The following XNDC1N variants were observed in gnomAD, a reference collection of about 807,000 sequenced individuals.
The protein encoded by XNDC1N is protein XNDC1N.
chr11:71,907,218 C>T, the XNDC1N span, among the ~76,000 whole-genome samples: 2 of 152,028 alleles, frequency 1.3e-5, no homozygotes, highest in Non-Finnish European at 2.9e-5. Flanking sequence ...GTGACACATT[C>T]CTAGAATATG....
the XNDC1N span, chr11:71,916,509 C>T: frequency 2.2e-6 from 1 of 445,600 alleles, no homozygotes. Flanking sequence ...CTATTCTCAG[C>T]ATGAATTCTA....
At chr11:71,872,287 C>T in the XNDC1N span, among the ~76,000 whole-genome samples, 2 of 152,200 alleles carry the variant, frequency 1.3e-5, no homozygotes, top group Non-Finnish European at 2.9e-5. Flanking sequence ...CCTCATCCCA[C>T]AGAAACTTGT....
the XNDC1N span, among the ~76,000 whole-genome samples, chr11:71,889,045 G>T: frequency 6.6e-6 from 1 of 152,154 alleles, no homozygotes; most frequent in African/African-American, 2.4e-5. Flanking sequence ...GTATGCAGGG[G>T]TAACCCTGGA....
chr11:71,906,161 G>A, the XNDC1N span, among the ~76,000 whole-genome samples: 4 of 151,450 alleles, frequency 2.6e-5, no homozygotes, highest in African/African-American at 7.3e-5. Flanking sequence ...CCCCCTGGAG[G>A]AGTAAGAATA....
the XNDC1N span, among the ~76,000 whole-genome samples, chr11:71,876,845 T>G: frequency 6.6e-6 from 1 of 152,208 alleles, no homozygotes; most frequent in Non-Finnish European, 1.5e-5. Flanking sequence ...TGATCAGAGA[T>G]GCTAATGATC....
chr11:71,899,100 A>T, the XNDC1N span, among the ~76,000 whole-genome samples: 1 of 152,102 alleles, frequency 6.6e-6, no homozygotes, highest in Admixed American at 6.6e-5. Flanking sequence ...ACATCCTTAG[A>T]GGTTGGGGAA....
At chr11:71,889,080 G>T in the XNDC1N span, among the ~76,000 whole-genome samples, 1 of 152,182 alleles carries the variant, frequency 6.6e-6, no homozygotes, top group Non-Finnish European at 1.5e-5. Context: ...CCACATCATT[G>T]CCCCAGGCCA....
At chr11:71,887,170 G>A in the XNDC1N span, among the ~76,000 whole-genome samples, 1 of 152,312 alleles carries the variant, frequency 6.6e-6, no homozygotes, top group Middle Eastern at 3.4e-3. Context: ...AGATAGCGGT[G>A]CTGAACATTC....
chr11:71,896,277 A>G, the XNDC1N span, among the ~76,000 whole-genome samples: 2 of 152,304 alleles, frequency 1.3e-5, no homozygotes, highest in African/African-American at 4.8e-5. Flanking sequence ...AGACTCCATC[A>G]CACACCTGCA....
At chr11:71,911,614 G>T in the XNDC1N span, among the ~76,000 whole-genome samples, 6 of 152,152 alleles carry the variant, frequency 3.9e-5, no homozygotes, top group Admixed American at 3.9e-4. Flanking sequence ...GGGTGAGACT[G>T]TCAACATTTA....
chr11:71,885,411 C>CG, the XNDC1N span, among the ~76,000 whole-genome samples: 1 of 152,120 alleles, frequency 6.6e-6, no homozygotes, highest in Non-Finnish European at 1.5e-5. Flanking sequence ...CCATCTCACA[C>CG]GGGGGTGTAC....
chr11:71,923,407 T>A, the XNDC1N span: 1 of 701,606 alleles, frequency 1.4e-6, no homozygotes, highest in Non-Finnish European at 2.6e-6. Flanking sequence ...CTCTCAAGAT[T>A]TCTTCTGTCA....
At chr11:71,909,734 A>G in the XNDC1N span, among the ~76,000 whole-genome samples, 3,897 of 151,706 alleles carry the variant, frequency 0.026, 159 homozygotes, top group African/African-American at 0.09. Context: ...TGCTTGTCTC[A>G]GACTTGTACT....
chr11:71,899,462 C>A, the XNDC1N span, among the ~76,000 whole-genome samples: 11 of 152,332 alleles, frequency 7.2e-5, no homozygotes, highest in Non-Finnish European at 1.3e-4. Flanking sequence ...GAACTTTCAA[C>A]AATTGCTTTG....
At chr11:71,872,885 C>G in the XNDC1N span, among the ~76,000 whole-genome samples, 1 of 152,148 alleles carries the variant, frequency 6.6e-6, no homozygotes, top group African/African-American at 2.4e-5. Context: ...CTGAAAGTGT[C>G]CATTTCATTC....
At chr11:71,920,110 A>C in the XNDC1N span, among the ~76,000 whole-genome samples, 1 of 145,668 alleles carries the variant, frequency 6.9e-6, no homozygotes, top group Middle Eastern at 3.8e-3. Flanking sequence ...GGCGGCCGCT[A>C]CCACGCCCAG....
At chr11:71,924,649 A>C in the XNDC1N span, among the ~76,000 whole-genome samples, 3 of 152,174 alleles carry the variant, frequency 2.0e-5, no homozygotes, top group Admixed American at 6.5e-5. Context: ...CTGCCACTGC[A>C]CTCTAGCCTG....
chr11:71,920,938 C>G, the XNDC1N span, among the ~76,000 whole-genome samples: 1 of 152,176 alleles, frequency 6.6e-6, no homozygotes, highest in South Asian at 2.1e-4. Flanking sequence ...GCACTCCAGC[C>G]TGGGAGACAG....
At chr11:71,878,246 T>C in the XNDC1N span, among the ~76,000 whole-genome samples, 2 of 152,228 alleles carry the variant, frequency 1.3e-5, no homozygotes, top group Admixed American at 6.5e-5. Flanking sequence ...CCTGTTGACC[T>C]TTGATAAATG....
Sources: gnomAD v4.1 joint callset for allele counts (sites outside exome capture counted in the v4.1 genomes callset) on GRCh38, gnomAD v4.1.1 for gene constraint, MANE v1.5 for transcripts, NCBI Gene and HGNC (gene_info 2026-07-23, HGNC 2026-07-21) for gene names.